Variants in NASP observed in about 807,000 individuals in gnomAD.
NASP encodes the protein NASP histone chaperone.
A neutral mutation model predicts 89.5 loss-of-function variants in NASP; 24 were observed. The ratio of observed to expected loss-of-function variants is 0.27; its 90% CI spans 0.19 to 0.38. NASP has a LOEUF of 0.38. NASP is among the 10% of genes least tolerant of loss of function. The probability of loss-of-function intolerance (pLI) is 1.00; values close to 1 mark genes in which losing one functional copy is unlikely to be tolerated. For synonymous variants in NASP, 306 were observed against 324.7 expected (o/e 0.94, Z 0.62); for missense variants, 848 against 921.4 (o/e 0.92, Z 1.03).
At chr1:45,606,649 A>G (rs924236368) in intron 5 of NASP, 58 bp downstream of exon 5, 1 of 1,238,456 alleles carries the variant, frequency 8.1e-7, no homozygotes. Context: ...TCTTGTATAC[A>G]GTGGTGGAAA....
chr1:45,605,214 A>G (rs1025221583), intron 4 of NASP, among the ~76,000 whole-genome samples, 198 bp downstream of exon 4: 1 of 152,208 alleles, frequency 6.6e-6, no homozygotes, highest in Non-Finnish European at 1.5e-5. Context: ...AGTAGAAGCA[A>G]AGTTCTTTCC....
intron 2 of NASP, among the ~76,000 whole-genome samples, chr1:45,600,611 T>TTA (rs1362744635): frequency 2.0e-5 from 3 of 152,238 alleles, no homozygotes; most frequent in Non-Finnish European, 2.9e-5. Context: ...CCATTTGGGT[T>TTA]TCCAGTTTTT....
intron 11 of NASP, among the ~76,000 whole-genome samples, chr1:45,616,135 A>G (rs1427602268): frequency 6.6e-6 from 1 of 152,128 alleles, no homozygotes; most frequent in African/African-American, 2.4e-5. Context: ...TTAGTTTATT[A>G]TGTACACTCT....
chr1:45,617,073 G>A (rs963537464), intron 13 of NASP, among the ~76,000 whole-genome samples: 1 of 152,152 alleles, frequency 6.6e-6, no homozygotes, highest in Non-Finnish European at 1.5e-5. Flanking sequence ...TTGAACTGCT[G>A]ACCTCGTGAT....
At position 45,617,557 on chromosome 1, in the gene NASP, G is replaced by A; in HGVS notation, c.2252G>A (p.Ser751Asn). ...GGAGGCAGTGGGGATGCTGTCCCCA[G>A]TGGAAATGAAGTTTCGGAAAACATG... is the stretch of plus-strand genomic sequence containing the variant. ...VNGGSGDAVP[S>N]GNEVSENMEE... is the part of the protein sequence containing the mutation. The change falls in exon 14 of 15, where the codon AGT becomes AAT. Residue 751 changes from serine (S) to asparagine (N), a missense_variant. Physicochemically the swap from Ser to Asn is conservative, Grantham distance 46. Transcript: ENST00000350030. 1 of 1,600,798 alleles carries A rather than the reference G, an allele frequency of 6.2e-7. No individual in the cohort carries two copies. Among genetic ancestry groups the A allele is most frequent in the Non-Finnish European group, 8.5e-7 (1 of 1,176,010 alleles).
intron 2 of NASP, among the ~76,000 whole-genome samples, chr1:45,594,445 A>C (rs1356028749): frequency 6.6e-6 from 1 of 152,190 alleles, no homozygotes; most frequent in East Asian, 1.9e-4. Context: ...GGTTACTCAT[A>C]GGATGTACCA....
chr1:45,600,893 AGTATCTTATT>A (rs1643825484), intron 2 of NASP, among the ~76,000 whole-genome samples: 1 of 152,228 alleles, frequency 6.6e-6, no homozygotes, highest in African/African-American at 2.4e-5. Flanking sequence ...TGAATATAGC[AGTATCTTATT>A]GTGGGTTTAG....
At chr1:45,595,129 T>TTGTGTG (rs57391869) in intron 2 of NASP, among the ~76,000 whole-genome samples, 1,750 of 111,802 alleles carry the variant, frequency 0.016, 27 homozygotes, top group East Asian at 0.029. Context: ...AGACTAAGTT[T>TTGTGTG]TGTGTGTGTG....
chr1:45,596,986 AAAAAGAAAAAAAAG>A (rs1016380669), intron 2 of NASP, among the ~76,000 whole-genome samples: 12 of 150,560 alleles, frequency 8.0e-5, no homozygotes, highest in African/African-American at 2.5e-4. Flanking sequence ...CTGTCTCAAA[AAAAAGAAAAAAAAG>A]AAAAGAAAAA....
At chr1:45,612,172 CCTGTTAAAGTATTTTCTAAG>C (rs1644026752) in intron 6 of NASP, 2 of 152,194 alleles carry the variant, frequency 1.3e-5, no homozygotes, top group South Asian at 4.1e-4. Flanking sequence ...CGCGCCTGAC[CCTGTTAAAGTATTTTCTAAG>C]CTTCTTTGAA....
rs755242357 is a variant in NASP at position 45,584,109 on chromosome 1, C to T, written c.-38C>T. 1.5e-5 allele frequency: 24 copies of T among 1,555,746 alleles called. No homozygotes were observed. The South Asian group carries it at 2.7e-4, about 18-fold the overall frequency. The stretch of plus-strand genomic sequence containing the variant: ...CCAAATTGCCTGTTTTTCTCGCAGG[C>T]TCTATTCCGTTCGCTGGTTCGCCAC... On this transcript the variant is annotated 5_prime_UTR_variant, in exon 1 of 15. Transcript: ENST00000350030.
chr1:45,590,772 A>G (rs904953203), intron 1 of NASP, among the ~76,000 whole-genome samples: 1 of 141,916 alleles, frequency 7.0e-6, no homozygotes, highest in East Asian at 2.1e-4. Context: ...ATAGAAGGTT[A>G]TATAGGGAAA....
chr1:45,601,745 A>ATTTTTTTTTTTT (rs71056316), intron 2 of NASP, among the ~76,000 whole-genome samples: 5 of 68,936 alleles, frequency 7.3e-5, no homozygotes, highest in African/African-American at 1.2e-4. Flanking sequence ...CGTTAAGAGA[A>ATTTTTTTTTTTT]TTTTTTTTTT....
Position 45,618,050 on chromosome 1 carries a change from T to G in NASP, c.2287-11T>G. The G allele has an allele frequency of 5.0e-6, 8 of 1,594,672 alleles. No homozygotes were observed. Among genetic ancestry groups the G allele is most frequent in the Non-Finnish European group, 6.8e-6 (8 of 1,169,972 alleles). On this transcript the variant is annotated splice_polypyrimidine_tract_variant and intron_variant, in intron 14 of 14. Transcript: ENST00000350030. ...AGGCTCACTCATGCCCAGGTTCTGT[T>G]TGTCTTCCAGGCTGAGAATCAGGCT... is the stretch of plus-strand genomic sequence containing the variant.
At chr1:45,605,205 G>A (rs1335370307) in intron 4 of NASP, among the ~76,000 whole-genome samples, 189 bp downstream of exon 4, 1 of 152,230 alleles carries the variant, frequency 6.6e-6, no homozygotes, top group Non-Finnish European at 1.5e-5. Flanking sequence ...TTTGGAGTCA[G>A]TAGAAGCAAA....
chr1:45,602,201 A>C (rs1160920950), intron 2 of NASP, 54 bp from the exon 3 acceptor site: 1 of 1,548,444 alleles, frequency 6.5e-7, no homozygotes, highest in Non-Finnish European at 8.7e-7. Context: ...GCAGGTATTC[A>C]AAAAATACTG....
At position 45,618,822 on chromosome 1, in the gene NASP, T is replaced by C. The variant is rs1212722980; in HGVS notation, c.*681T>C. The C allele has an allele frequency of 1.3e-5, 2 of 152,186 alleles. No homozygotes were observed. The highest frequency in any genetic ancestry group is 6.6e-5 in the Admixed American group (1 of 15,258). 9.4% of individuals were successfully genotyped at this position (152,186 alleles called of 1,614,324 possible). A position where few individuals can be genotyped will look rare whatever the true frequency, so the allele number is the denominator to read the frequency against. ...TTTTGTTATTTTCTGTATAGAAAGG[T>C]TGAGATATATCAACACTTGGAATTG... On this transcript the variant is annotated 3_prime_UTR_variant, in exon 15 of 15. Coordinates refer to ENST00000350030, the MANE Select transcript of NASP (RefSeq NM_002482.4).
At chr1:45,586,286 T>TGTGTGTGTGGG (rs1644544098) in intron 1 of NASP, among the ~76,000 whole-genome samples, 14 of 88,368 alleles carry the variant, frequency 1.6e-4, no homozygotes, top group African/African-American at 5.8e-4. Context: ...GTGTGTGTGG[T>TGTGTGTGTGGG]GTGTGTGTGT....
At chr1:45,610,104 C>G (rs946472499) in intron 6 of NASP, 1 of 152,112 alleles carries the variant, frequency 6.6e-6, no homozygotes, top group African/African-American at 2.4e-5. Context: ...GAGGCTGAAC[C>G]AGAAGAATCG....
Sources: allele counts gnomAD v4.1 joint callset (sites outside exome capture counted in the v4.1 genomes callset), GRCh38; gene constraint gnomAD v4.1.1; transcripts MANE v1.5; gene names NCBI Gene and HGNC (gene_info 2026-07-23, HGNC 2026-07-21).